Variants in SNTG1 observed in about 807,000 individuals in gnomAD.
SNTG1 encodes gamma-1-syntrophin.
In SNTG1, 39 loss-of-function variants were observed where a neutral mutation model predicts 74.7. The ratio of observed to expected loss-of-function variants is 0.52; its 90% confidence interval spans 0.40 to 0.68. The LOEUF (loss-of-function observed/expected upper bound fraction) is 0.68, where lower values mean the gene tolerates loss of function less well. Ranked by LOEUF, SNTG1 falls within the 30% of genes least tolerant of loss-of-function variation. SNTG1 has a pLI of 0.00. For missense variants in SNTG1, 685 were observed against 609.5 expected (o/e 1.12, Z -1.30); for synonymous variants, 254 against 217.1 (o/e 1.17, Z -1.49).
intron 9 of SNTG1, among the ~76,000 whole-genome samples, chr8:50,503,451 G>T (rs2093980939): frequency 6.6e-6 from 1 of 152,086 alleles, no homozygotes; most frequent in East Asian, 1.9e-4. Context: ...AAAATACAAA[G>T]ATCTTGCACA....
intron 2 of SNTG1, among the ~76,000 whole-genome samples, chr8:50,391,748 G>T (rs1384412066): frequency 1.3e-5 from 2 of 151,998 alleles, no homozygotes; most frequent in Non-Finnish European, 2.9e-5. Context: ...CAATTTCAGA[G>T]CCTGTTATTG....
At chr8:50,678,297 T>A (rs553044693) in intron 15 of SNTG1, among the ~76,000 whole-genome samples, 1 of 152,082 alleles carries the variant, frequency 6.6e-6, no homozygotes, top group Non-Finnish European at 1.5e-5. Context: ...ATTGATATGT[T>A]CTATTGCTCA....
chr8:50,553,180 G>A lies in SNTG1; in HGVS notation c.810+1G>A. 1 of 1,613,684 alleles carries A rather than the reference G, an allele frequency of 6.2e-7. No individual in the cohort carries two copies. Among genetic ancestry groups the A allele is most frequent in the Non-Finnish European group, 8.5e-7 (1 of 1,179,744 alleles). On this transcript the variant is annotated splice_donor_variant, in intron 12 of 18. Transcript: ENST00000642720. LOFTEE classifies it high-confidence loss of function. ...CATTTCAAATCTCACAAAGCACAATGTAAGTAATGATTCAAGGAATACCTA... is the reference window on the plus strand; with the variant it reads ...CATTTCAAATCTCACAAAGCACAATATAAGTAATGATTCAAGGAATACCTA...
At chr8:50,390,572 G>T (rs1481845742) in intron 2 of SNTG1, among the ~76,000 whole-genome samples, 1 of 152,142 alleles carries the variant, frequency 6.6e-6, no homozygotes, top group African/African-American at 2.4e-5. Flanking sequence ...GCTTCCATAT[G>T]AACTTCAAAG....
chr8:50,439,345 T>G (rs1587633893), intron 5 of SNTG1, among the ~76,000 whole-genome samples: 2 of 152,120 alleles, frequency 1.3e-5, no homozygotes, highest in South Asian at 4.1e-4. Flanking sequence ...GGGTTAGTTA[T>G]TTGACTTATA....
At chr8:50,582,614 T>C (rs911251015) in intron 12 of SNTG1, among the ~76,000 whole-genome samples, 2 of 152,112 alleles carry the variant, frequency 1.3e-5, no homozygotes, top group Non-Finnish European at 2.9e-5. Flanking sequence ...GGTACTGCAA[T>C]TTTTCTTTTA....
At chr8:50,471,905 T>C (rs1398145538) in intron 8 of SNTG1, among the ~76,000 whole-genome samples, 2 of 152,174 alleles carry the variant, frequency 1.3e-5, no homozygotes, top group African/African-American at 2.4e-5. Flanking sequence ...TGGATTTCTA[T>C]ACACTAACAA....
chr8:50,719,517 G>A (rs1039066719), intron 17 of SNTG1, among the ~76,000 whole-genome samples: 2 of 152,146 alleles, frequency 1.3e-5, no homozygotes, highest in African/African-American at 2.4e-5. Context: ...TGGATATTTT[G>A]TTATAGCAGG....
At chr8:50,166,938 A>G (rs996443745) in intron 1 of SNTG1, among the ~76,000 whole-genome samples, 2 of 149,500 alleles carry the variant, frequency 1.3e-5, no homozygotes, top group African/African-American at 5.1e-5. Context: ...AATACTATGC[A>G]GCCATAAAAA....
At chr8:50,279,052 T>C (rs1282209958) in intron 2 of SNTG1, among the ~76,000 whole-genome samples, 5 of 152,172 alleles carry the variant, frequency 3.3e-5, no homozygotes, top group African/African-American at 1.2e-4. Flanking sequence ...TGCTTTCAAA[T>C]ATTTTCTCAC....
At chr8:50,686,138 G>C (rs2095351628) in intron 15 of SNTG1, among the ~76,000 whole-genome samples, 2 of 152,088 alleles carry the variant, frequency 1.3e-5, no homozygotes, top group Admixed American at 1.3e-4. Flanking sequence ...TTTTCTAAGT[G>C]ATATACATCA....
intron 15 of SNTG1, among the ~76,000 whole-genome samples, chr8:50,684,112 G>A (rs1379327174): frequency 6.6e-6 from 1 of 152,092 alleles, no homozygotes; most frequent in Non-Finnish European, 1.5e-5. Flanking sequence ...TGGAGGCAGG[G>A]CCAAATGACC....
chr8:50,528,757 C>T (rs2094242319), intron 9 of SNTG1, among the ~76,000 whole-genome samples: 1 of 151,588 alleles, frequency 6.6e-6, no homozygotes, highest in Admixed American at 6.6e-5. Flanking sequence ...ATGACCCCTC[C>T]TTCATTCCTG....
chr8:50,013,867 G>C (rs1260353216), intron 1 of SNTG1, among the ~76,000 whole-genome samples: 1 of 152,088 alleles, frequency 6.6e-6, no homozygotes, highest in Non-Finnish European at 1.5e-5. Flanking sequence ...AACCTGAAAA[G>C]TTTACATTGG....
intron 3 of SNTG1, among the ~76,000 whole-genome samples, chr8:50,399,530 C>T (rs1270108180): frequency 6.6e-6 from 1 of 152,098 alleles, no homozygotes; most frequent in Non-Finnish European, 1.5e-5. Flanking sequence ...CTTCTAACAT[C>T]CTGAAGTTCA....
intron 2 of SNTG1, among the ~76,000 whole-genome samples, chr8:50,272,468 C>T (rs184884247): frequency 1.3e-5 from 2 of 152,150 alleles, no homozygotes; most frequent in Non-Finnish European, 1.5e-5. Flanking sequence ...AACAAAGAGA[C>T]CTGGTGCTGT....
intron 4 of SNTG1, among the ~76,000 whole-genome samples, chr8:50,421,578 C>A (rs2093087925): frequency 6.6e-6 from 1 of 152,108 alleles, no homozygotes; most frequent in Non-Finnish European, 1.5e-5. Context: ...CATCCTGTGA[C>A]TAAGAATGCC....
chr8:50,612,631 T>TATGTTCCCTATGTTCCCATAGTA (rs1251424499), intron 13 of SNTG1, among the ~76,000 whole-genome samples: 2 of 152,204 alleles, frequency 1.3e-5, no homozygotes, highest in African/African-American at 4.8e-5. Context: ...TGTTCCCTAC[T>TATGTTCCCTATGTTCCCATAGTA]ATGCCTATGA....
chr8:49,950,551 T>C (rs909079722), intron 1 of SNTG1, among the ~76,000 whole-genome samples: 3 of 152,194 alleles, frequency 2.0e-5, no homozygotes, highest in East Asian at 1.9e-4. Flanking sequence ...TGTAACTAAT[T>C]TTCATACCAT....
Sources: gnomAD v4.1 joint callset for allele counts (sites outside exome capture counted in the v4.1 genomes callset) on GRCh38, gnomAD v4.1.1 for gene constraint, MANE v1.5 for transcripts, NCBI Gene and HGNC (gene_info 2026-07-23, HGNC 2026-07-21) for gene names.